CD84: variants seen among roughly 807,000 people sequenced by gnomAD.
CD84 encodes the protein CD84 molecule.
Under a neutral mutation model 33.8 loss-of-function variants are expected in CD84, and 22 were observed. The observed-to-expected ratio is 0.65, with a 90% CI of 0.46 to 0.93. The LOEUF (loss-of-function observed/expected upper bound fraction) is 0.93, where lower values mean the gene tolerates loss of function less well. Ranked by LOEUF, CD84 falls within the 40% of genes least tolerant of loss-of-function variation. The probability of loss-of-function intolerance (pLI) is 0.00; values close to 1 mark genes in which losing one functional copy is unlikely to be tolerated. For missense variants in CD84, 400 were observed against 397.6 expected, an observed-to-expected ratio of 1.01 and a Z score of -0.05; for synonymous variants, 154 against 145.2, an observed-to-expected ratio of 1.06 and a Z score of -0.44.
intron 2 of CD84, among the ~76,000 whole-genome samples, chr1:160,560,594 C>A (rs1171365177): frequency 6.6e-6 from 1 of 151,930 alleles, no homozygotes; most frequent in African/African-American, 2.4e-5. Context: ...ACTATAGAAC[C>A]AAAAACAAAC....
chr1:160,561,211 A>G (rs1038282945), intron 2 of CD84, among the ~76,000 whole-genome samples: 15 of 152,190 alleles, frequency 9.9e-5, no homozygotes, highest in African/African-American at 3.4e-4. Context: ...AGATAAAACC[A>G]AAAAAGGAAA....
At position 160,543,358 on chromosome 1, in the gene CD84, A is replaced by T. The variant is rs1655643088; in HGVS notation, c.*4898T>A. On this transcript the variant is annotated 3_prime_UTR_variant, in exon 7 of 7. Coordinates refer to ENST00000368054, the MANE Select transcript of CD84 (RefSeq NM_003874.4). ...GTAAAAAAGGGCCACATGGCAGAGT[A>T]CAAGTGCATGGCCCTTGGTGACAAG... 6.6e-6 allele frequency: 1 copy of T among 152,190 alleles called. No individual in the cohort carries two copies. Among genetic ancestry groups the T allele is most frequent in the African/African-American group, 2.4e-5 (1 of 41,446 alleles). 9.4% of individuals were successfully genotyped at this position (152,190 alleles called of 1,614,324 possible). A position where few individuals can be genotyped will look rare whatever the true frequency, so the allele number is the denominator to read the frequency against.
Position 160,546,868 on chromosome 1 carries a change from C to T in CD84, c.*1388G>A, listed in dbSNP as rs1655858641. On this transcript the variant is annotated 3_prime_UTR_variant, in exon 7 of 7. Coordinates refer to ENST00000368054, the MANE Select transcript of CD84 (RefSeq NM_003874.4). ...TCTTCTACTTTGGGGCCTTGCAGCT[C>T]CTAACATAGTGCTAATGGTAGTTGG... 2.8e-6 allele frequency: 1 copy of T among 359,754 alleles called. No individual in the cohort carries two copies. The highest frequency in any genetic ancestry group is 4.1e-5 in the East Asian group (1 of 24,648). 22.3% of individuals were successfully genotyped at this position (359,754 alleles called of 1,614,324 possible).
intron 1 of CD84, among the ~76,000 whole-genome samples, chr1:160,576,439 C>A (rs921413915): frequency 1.3e-5 from 2 of 152,136 alleles, no homozygotes; most frequent in Non-Finnish European, 2.9e-5. Flanking sequence ...GCCTCACTGC[C>A]CTGCCTAAAC....
intron 1 of CD84, 91 bp from the exon 2 acceptor site, chr1:160,565,836 G>C: frequency 9.5e-7 from 1 of 1,056,484 alleles, no homozygotes; most frequent in Non-Finnish European, 1.3e-6. Flanking sequence ...CTGAGGAGCT[G>C]CCACAAATGC....
intron 6 of CD84, 145 bp downstream of exon 6, chr1:160,549,772 A>T: frequency 1.4e-6 from 1 of 718,974 alleles, no homozygotes; most frequent in East Asian, 2.6e-5. Context: ...GTGGAAGTAC[A>T]TATAGACCAA....
intron 6 of CD84, 105 bp from the exon 7 acceptor site, chr1:160,548,426 C>T: frequency 8.5e-7 from 1 of 1,170,018 alleles, no homozygotes; most frequent in Non-Finnish European, 1.3e-6. Context: ...CGGGGGAATG[C>T]CTTAGATTTG....
intron 1 of CD84, among the ~76,000 whole-genome samples, chr1:160,566,423 A>G (rs1657326840): frequency 6.6e-6 from 1 of 152,222 alleles, no homozygotes; most frequent in African/African-American, 2.4e-5. Flanking sequence ...CTCTTGGAAC[A>G]ACTTCTGAAG....
chr1:160,564,578 A>G (rs2102177553), intron 2 of CD84, among the ~76,000 whole-genome samples: 1 of 152,360 alleles, frequency 6.6e-6, no homozygotes, highest in Non-Finnish European at 1.5e-5. Flanking sequence ...CTATCTAGCA[A>G]TAAAAAGGTA....
At position 160,547,151 on chromosome 1, in the gene CD84, G is replaced by A. The variant is rs1411731662; in HGVS notation, c.*1105C>T. Reference sequence around the variant, plus strand: ...TGTTTGTGGGGCATGCCAGGGTGGCGGCACTCTGCCTCAGCTTAAACTCTA... The same window carrying A: ...TGTTTGTGGGGCATGCCAGGGTGGCAGCACTCTGCCTCAGCTTAAACTCTA... On this transcript the variant is annotated 3_prime_UTR_variant, in exon 7 of 7. Coordinates refer to ENST00000368054, the MANE Select transcript of CD84 (RefSeq NM_003874.4). 1.8e-5 allele frequency: 7 copies of A among 398,800 alleles called. 1 individual carries two copies. The highest frequency in any genetic ancestry group is 8.8e-5 in the Admixed American group (2 of 22,714). 24.7% of individuals were successfully genotyped at this position (398,800 alleles called of 1,614,324 possible).
chr1:160,547,933 C>T lies in CD84; in HGVS notation c.*323G>A, dbSNP rs570750512. 2.9e-6 allele frequency: 1 copy of T among 344,128 alleles called. No individual in the cohort carries two copies. The highest frequency in any genetic ancestry group is 4.1e-5 in the Admixed American group (1 of 24,582). The allele number at this position is 344,128 out of a possible 1,614,324, so 21.3% of individuals were successfully genotyped here. A position where few individuals can be genotyped will look rare whatever the true frequency, so the allele number is the denominator to read the frequency against. ...GTCATATGCAGCTTCCAGAAGTGAG[C>T]AATCTTGCTTGTTTATCCCAGTGTG... On this transcript the variant is annotated 3_prime_UTR_variant, in exon 7 of 7. Coordinates refer to ENST00000368054, the MANE Select transcript of CD84 (RefSeq NM_003874.4).
At chr1:160,576,779 T>A (rs1190333156) in intron 1 of CD84, among the ~76,000 whole-genome samples, 1 of 152,182 alleles carries the variant, frequency 6.6e-6, no homozygotes, top group Non-Finnish European at 1.5e-5. Flanking sequence ...ATCTATCTCA[T>A]AGTGTATTGT....
intron 3 of CD84, 161 bp downstream of exon 3, chr1:160,553,734 G>A: frequency 8.6e-7 from 1 of 1,169,464 alleles, no homozygotes; most frequent in Non-Finnish European, 1.2e-6. Flanking sequence ...AGAAGGCTTT[G>A]GCCTCTTTCC....
In CD84 at chr1:160,550,836, G is replaced by A. The variant is rs543049519; in HGVS notation, c.858+102C>T. 197 of 1,574,352 alleles carry A rather than the reference G, an allele frequency of 1.3e-4. No individual in the cohort carries two copies. The African/African-American group carries it at 1.6e-3, about 13-fold the overall frequency. Reference sequence around the variant, plus strand: ...GGTTGGAACCTCTGGACTCTTGGCCGTGGCTGCTTTCTAGACAACAACAAG... The same window carrying A: ...GGTTGGAACCTCTGGACTCTTGGCCATGGCTGCTTTCTAGACAACAACAAG... On this transcript the variant is annotated intron_variant, in intron 5 of 6. Transcript: ENST00000368054.
chr1:160,576,919 C>A (rs2369722), intron 1 of CD84, among the ~76,000 whole-genome samples: 121,062 of 152,044 alleles, frequency 0.8, 49,434 homozygotes, highest in Non-Finnish European at 0.91. Context: ...AATAGAAATA[C>A]GAATGGGGCA....
At chr1:160,552,898 T>C (rs1426124780) in intron 4 of CD84, 1 of 636,858 alleles carries the variant, frequency 1.6e-6, no homozygotes, top group East Asian at 2.8e-5. Context: ...GTTTTCTGAA[T>C]GGAGAATGGC....
chr1:160,550,003 C>A (rs1656094071), intron 5 of CD84, 24 bp from the exon 6 acceptor site: 4 of 1,533,408 alleles, frequency 2.6e-6, no homozygotes. Flanking sequence ...ATCTTCCCCT[C>A]AGTGAGGGAG....
chr1:160,549,097 A>G lies in CD84; in HGVS notation c.922-776T>C, dbSNP rs576281824. ...TAAATGTCCCTCTATCTGGTTGTCC[A>G]GTCCATTTGGCTTATCTTTTCAAGC... On this transcript the variant is annotated intron_variant, in intron 6 of 6. Coordinates refer to ENST00000368054, the MANE Select transcript of CD84 (RefSeq NM_003874.4). 3.3e-5 allele frequency among the ~76,000 whole-genome samples: 5 copies of G among 151,868 alleles called. No individual in the cohort carries two copies. The South Asian group carries it at 1.0e-3, about 32-fold the overall frequency.
At chr1:160,568,610 T>G (rs1657473609) in intron 1 of CD84, among the ~76,000 whole-genome samples, 1 of 152,088 alleles carries the variant, frequency 6.6e-6, no homozygotes, top group South Asian at 2.1e-4. Context: ...TCACAAAACC[T>G]TTCTTATTTA....
Sources: allele counts gnomAD v4.1 joint callset (sites outside exome capture counted in the v4.1 genomes callset), GRCh38; gene constraint gnomAD v4.1.1; transcripts MANE v1.5; gene names NCBI Gene and HGNC (gene_info 2026-07-23, HGNC 2026-07-21).